The following DDIAS variants were observed in gnomAD, a reference collection of about 807,000 sequenced individuals.
DDIAS encodes the protein DNA damage induced apoptosis suppressor.
A neutral mutation model predicts 15.7 loss-of-function variants in DDIAS; 14 were observed. The ratio of observed to expected loss-of-function variants is 0.89; its 90% CI spans 0.59 to 1.39. The LOEUF is 1.39. Among genes scored for constraint, DDIAS ranks in the 40% most tolerant of loss-of-function variants. DDIAS has a pLI of 0.00. For synonymous variants in DDIAS, 355 were observed against 395.9 expected, an observed-to-expected ratio of 0.90 and a Z score of 1.23; for missense variants, 1,035 against 1,130.9, an observed-to-expected ratio of 0.92 and a Z score of 1.22.
At chr11:82,925,501 G>A (rs1590808863) in intron 3 of DDIAS, among the ~76,000 whole-genome samples, 1 of 152,212 alleles carries the variant, frequency 6.6e-6, no homozygotes, top group East Asian at 1.9e-4. Context: ...AGAAGGCTGA[G>A]GCAGGAGGAT....
chr11:82,910,592 T>TTCTC (rs201976654), intron 1 of DDIAS, among the ~76,000 whole-genome samples: 1 of 139,388 alleles, frequency 7.2e-6, no homozygotes, highest in Non-Finnish European at 1.5e-5. Flanking sequence ...TTTTAATTTT[T>TTCTC]TCTCTCTCTC....
intron 3 of DDIAS, among the ~76,000 whole-genome samples, chr11:82,924,147 A>T (rs928148156): frequency 1.3e-5 from 2 of 152,234 alleles, no homozygotes; most frequent in African/African-American, 4.8e-5. Flanking sequence ...ATTTAATTTC[A>T]CACATATAGA....
rs182301147 is a variant in DDIAS, at chr11:82,933,421, A to G, written c.2083A>G (p.Lys695Glu). 6.2e-7 allele frequency: 1 copy of G among 1,613,888 alleles called. No individual in the cohort carries two copies. Among genetic ancestry groups the G allele is most frequent in the East Asian group, 2.2e-5 (1 of 44,866 alleles). Residue 695 changes from lysine to glutamate, a missense_variant, in exon 6 of 6, where the codon AAA (lysine) becomes GAA (glutamate). Lys to Glu is a moderately conservative substitution (Grantham distance 56, BLOSUM62 1). Transcript: ENST00000533655. ...AATGGACATTGCAACTGAGATTACC[A>G]AAAAATCACAGGATATTTTGTTAAA... ...KEMDIATEIT[K>E]KSQDILLKWG...
intron 3 of DDIAS, among the ~76,000 whole-genome samples, chr11:82,926,510 A>G (rs1473397096): frequency 6.6e-6 from 1 of 152,246 alleles, no homozygotes; most frequent in African/African-American, 2.4e-5. Context: ...GAAAACTGCT[A>G]TTCTGTAACA....
intron 3 of DDIAS, among the ~76,000 whole-genome samples, chr11:82,928,309 C>T (rs1860911344): frequency 6.8e-6 from 1 of 147,954 alleles, no homozygotes; most frequent in African/African-American, 2.5e-5. Context: ...CATCATTCTG[C>T]TGCCTCAGCC....
rs768867960 is a variant in DDIAS at position 82,933,441 on chromosome 11, G to A, written c.2103G>A (p.Leu701=). ...TEITKKSQDI[L]LKWGTSLAES... ...TTACCAAAAAATCACAGGATATTTT[G>A]TTAAAATGGGGAACATCTTTGGCAG... The change falls in exon 6 of 6, where the codon TTG becomes TTA. Residue 701 remains leucine (L), a synonymous_variant. Transcript: ENST00000533655. 2 of 1,613,888 alleles carry A rather than the reference G, an allele frequency of 1.2e-6. No individual in the cohort carries two copies. Among genetic ancestry groups the A allele is most frequent in the Admixed American group, 3.3e-5 (2 of 60,006 alleles).
intron 3 of DDIAS, among the ~76,000 whole-genome samples, chr11:82,922,867 G>T (rs1860783456): frequency 1.3e-5 from 2 of 152,140 alleles, no homozygotes. Context: ...AGATTCTTTT[G>T]TCCCACAGGA....
chr11:82,928,166 T>C (rs1443822176), intron 3 of DDIAS, among the ~76,000 whole-genome samples: 1 of 149,522 alleles, frequency 6.7e-6, no homozygotes, highest in Admixed American at 6.7e-5. Flanking sequence ...TTTGAGATTA[T>C]TTTTTGTCCT....
At chr11:82,920,290 C>T (rs763651602) in intron 3 of DDIAS, among the ~76,000 whole-genome samples, 29 of 151,940 alleles carry the variant, frequency 1.9e-4, no homozygotes, top group African/African-American at 5.6e-4. Context: ...ATCTTGCTAA[C>T]GGTCTATCAA....
chr11:82,912,829 C>G (rs1263160041), intron 1 of DDIAS, among the ~76,000 whole-genome samples: 1 of 152,138 alleles, frequency 6.6e-6, no homozygotes, highest in Non-Finnish European at 1.5e-5. Context: ...AGATATGTGA[C>G]TCTTCCTTTC....
At chr11:82,907,804 G>C (rs1860461274) in intron 1 of DDIAS, among the ~76,000 whole-genome samples, 1 of 152,196 alleles carries the variant, frequency 6.6e-6, no homozygotes, top group Non-Finnish European at 1.5e-5. Context: ...GCCTCCCAAA[G>C]TGCTGGGATT....
At chr11:82,915,978 T>C (rs1036722452) in intron 3 of DDIAS, among the ~76,000 whole-genome samples, 54 of 152,198 alleles carry the variant, frequency 3.5e-4, no homozygotes, top group African/African-American at 1.2e-3. Context: ...AATGATGTTG[T>C]TTGAGAATCT....
At chr11:82,913,218 A>G (rs1291919254) in intron 1 of DDIAS, 69 bp from the exon 2 acceptor site, 3 of 152,358 alleles carry the variant, frequency 2.0e-5, no homozygotes, top group African/African-American at 4.8e-5. Context: ...AATAAAGTGA[A>G]GCATAATAAA....
At chr11:82,925,985 CAAAA>C (rs35097776) in intron 3 of DDIAS, among the ~76,000 whole-genome samples, 1 of 136,072 alleles carries the variant, frequency 7.3e-6, no homozygotes, top group African/African-American at 2.7e-5. Context: ...GACACTGTCT[CAAAA>C]AAAAAAAAAA....
intron 5 of DDIAS, among the ~76,000 whole-genome samples, chr11:82,931,051 G>A (rs1361032620): frequency 6.6e-6 from 1 of 151,234 alleles, no homozygotes; most frequent in Non-Finnish European, 1.5e-5. Context: ...CATTTATTGA[G>A]CCACTGCTAT....
In DDIAS at chr11:82,933,997, A is replaced by G; in HGVS notation, c.2659A>G (p.Lys887Glu). ...MLGFQGIGLG[K>E]CLAAYHFPDQ... ...TGGATTCCAAGGCATAGGTCTAGGG[A>G]AATGCCTTGCTGCCTATCATTTCCC... The change falls in exon 6 of 6, where the codon AAA becomes GAA. Residue 887 changes from lysine (K) to glutamate (E), a missense_variant. Lys to Glu is a moderately conservative substitution (Grantham distance 56). Transcript: ENST00000533655. 2 of 1,613,660 alleles carry G rather than the reference A, an allele frequency of 1.2e-6. No individual in the cohort carries two copies. The highest frequency in any genetic ancestry group is 1.7e-6 in the Non-Finnish European group (2 of 1,179,904).
chr11:82,913,996 G>T (rs1340439067), intron 2 of DDIAS: 2 of 424,860 alleles, frequency 4.7e-6, no homozygotes, highest in South Asian at 1.7e-5. Context: ...AAGTGCCATG[G>T]TGCAATCTCG....
chr11:82,932,503 G>T lies in DDIAS; in HGVS notation c.1165G>T (p.Ala389Ser). The change falls in exon 6 of 6, where the codon GCA becomes TCA. Residue 389 changes from alanine to serine, a missense_variant. By Grantham distance (99) the Ala-to-Ser change is moderately conservative (BLOSUM62 1). Transcript: ENST00000533655. ...CCCAACTAGCCTTCAGAAGAGATCT[G>T]CATGTTGTCCACCTTCGTTACTCAG... ...DTPTSLQKRS[A>S]CCPPSLLRLE... 6.2e-7 allele frequency: 1 copy of T among 1,614,170 alleles called. No individual in the cohort carries two copies. Among genetic ancestry groups the T allele is most frequent in the Non-Finnish European group, 8.5e-7 (1 of 1,180,048 alleles).
rs769540624 is a variant in DDIAS, at chr11:82,931,839, A to G, written c.501A>G (p.Leu167=). ...AKALVACQIV[L]PDPGIAGFTV... is the part of the protein sequence containing the mutation. ...CACTAGTGGCTTGCCAGATTGTTCT[A>G]CCAGACCCAGGTATTGCAGGCTTTA... The change falls in exon 6 of 6, where the codon CTA becomes CTG. Residue 167 remains leucine, a synonymous_variant. Coordinates refer to ENST00000533655, the MANE Select transcript of DDIAS (RefSeq NM_145018.4). The G allele has an allele frequency of 5.6e-6, 9 of 1,614,100 alleles. No homozygotes were observed. Among genetic ancestry groups the G allele is most frequent in the South Asian group, 4.4e-5 (4 of 91,096 alleles).
Sources: allele counts gnomAD v4.1 joint callset (sites outside exome capture counted in the v4.1 genomes callset), GRCh38; gene constraint gnomAD v4.1.1; transcripts MANE v1.5; gene names NCBI Gene and HGNC (gene_info 2026-07-23, HGNC 2026-07-21).